Variants in IL1RAPL1 observed in about 807,000 individuals in gnomAD.
The protein encoded by IL1RAPL1 is interleukin-1 receptor accessory protein-like 1.
IL1RAPL1 carries 3 observed loss-of-function variants against 48.4 expected under a neutral mutation model. The observed-to-expected ratio is 0.06, with a 90% CI of 0.03 to 0.16. The LOEUF (loss-of-function observed/expected upper bound fraction) is 0.16. Among genes scored for constraint, IL1RAPL1 ranks in the 10% least tolerant of loss-of-function variants. The probability of loss-of-function intolerance (pLI) is 1.00; values close to 1 mark genes in which losing one functional copy is unlikely to be tolerated. For synonymous variants in IL1RAPL1, 185 were observed against 187.7 expected (o/e 0.99, Z 0.12); for missense variants, 349 against 530.6 (o/e 0.66, Z 3.36).
intron 6 of IL1RAPL1, among the ~76,000 whole-genome samples, chrX:29,830,641 C>T (rs142034733): frequency 0.011 from 1,203 of 110,211 alleles, 17 homozygotes; most frequent in African/African-American, 0.037. Flanking sequence ...TTAGTACAGA[C>T]GGGGTTTCAC....
chrX:29,091,155 A>G (rs764958706), intron 2 of IL1RAPL1, among the ~76,000 whole-genome samples: 1 of 112,379 alleles, frequency 8.9e-6, no homozygotes, highest in Admixed American at 9.4e-5. Context: ...CTGAATGTGG[A>G]ACTATACATG....
intron 6 of IL1RAPL1, among the ~76,000 whole-genome samples, chrX:29,769,426 A>G (rs1242698138): frequency 2.2e-5 from 1 of 46,441 alleles, no homozygotes; most frequent in Non-Finnish European, 3.5e-5. Context: ...ACTGCCAAAC[A>G]GTTTTTTTTT....
At chrX:29,546,893 A>G (rs1471421924) in intron 5 of IL1RAPL1, among the ~76,000 whole-genome samples, 5 of 111,904 alleles carry the variant, frequency 4.5e-5, no homozygotes, top group African/African-American at 6.5e-5. Flanking sequence ...TCATCTAGCT[A>G]TAGGTCTGAC....
intron 2 of IL1RAPL1, among the ~76,000 whole-genome samples, chrX:29,003,563 A>T (rs925862796): frequency 1.8e-5 from 2 of 112,257 alleles, no homozygotes; most frequent in Non-Finnish European, 3.8e-5. Context: ...TAAAGGGGAA[A>T]TGCTTTCAAA....
At chrX:29,508,517 G>T (rs1935360178) in intron 5 of IL1RAPL1, among the ~76,000 whole-genome samples, 1 of 111,381 alleles carries the variant, frequency 9.0e-6, no homozygotes, top group South Asian at 3.7e-4. Context: ...TTGCATATTT[G>T]GTTCCAAGCC....
At chrX:29,449,780 C>CACACACACAGAGAGAGAG (rs557765024) in intron 5 of IL1RAPL1, among the ~76,000 whole-genome samples, 87 of 58,235 alleles carry the variant, frequency 1.5e-3, no homozygotes, top group East Asian at 6.5e-3. Flanking sequence ...CACACACACA[C>CACACACACAGAGAGAGAG]AGAGAGAGAG....
At chrX:29,821,760 GA>G (rs1289098787) in intron 6 of IL1RAPL1, among the ~76,000 whole-genome samples, 1 of 112,386 alleles carries the variant, frequency 8.9e-6, no homozygotes, top group African/African-American at 3.2e-5. Context: ...AAAGCTTTAA[GA>G]TCCAAAGACA....
rs747016663 is a variant in IL1RAPL1 at position 28,861,039 on chromosome X, T to A, written c.82+71614T>A. On this transcript the variant is annotated intron_variant, in intron 2 of 10. Coordinates refer to ENST00000378993, the MANE Select transcript of IL1RAPL1 (RefSeq NM_014271.4). The stretch of plus-strand genomic sequence containing the variant: ...TTTAATAAATCTGTTTATAAGAATT[T>A]TTTTCTCAATAATACTACTGAAAAA... Among the ~76,000 whole-genome samples the A allele has an allele frequency of 1.3e-4, 15 of 111,525 alleles. No homozygotes were observed. In the South Asian group the frequency reaches 5.3e-3, roughly 39 times the overall value.
intron 5 of IL1RAPL1, among the ~76,000 whole-genome samples, chrX:29,585,326 A>G (rs1417338590): frequency 1.8e-5 from 2 of 112,286 alleles, no homozygotes; most frequent in Non-Finnish European, 3.8e-5. Context: ...TTTAATTAGC[A>G]TAATGTCCTC....
intron 2 of IL1RAPL1, among the ~76,000 whole-genome samples, chrX:29,161,548 A>T (rs1248792273): frequency 8.9e-6 from 1 of 112,407 alleles, no homozygotes; most frequent in Non-Finnish European, 1.9e-5. Flanking sequence ...GTAAATAAAA[A>T]TGTTCATGTT....
intron 5 of IL1RAPL1, among the ~76,000 whole-genome samples, chrX:29,538,529 G>C (rs7058295): frequency 0.019 from 1,997 of 107,436 alleles, 62 homozygotes; most frequent in African/African-American, 0.064. Context: ...GTAGAGACAG[G>C]GTTTCACCAT....
At chrX:28,676,945 GGTTA>G (rs1453316417) in intron 1 of IL1RAPL1, among the ~76,000 whole-genome samples, 10 of 111,006 alleles carry the variant, frequency 9.0e-5, no homozygotes, top group Middle Eastern at 4.8e-3. Flanking sequence ...GATGTGCAGA[GGTTA>G]GTTAATTTTT....
At chrX:29,857,638 AG>A (rs1931499616) in intron 6 of IL1RAPL1, among the ~76,000 whole-genome samples, 1 of 111,947 alleles carries the variant, frequency 8.9e-6, no homozygotes, top group African/African-American at 3.2e-5. Context: ...TCACCCTTTT[AG>A]GGTCTTCAGC....
intron 2 of IL1RAPL1, among the ~76,000 whole-genome samples, chrX:28,998,066 A>G (rs1395451646): frequency 8.9e-6 from 1 of 111,993 alleles, no homozygotes; most frequent in Non-Finnish European, 1.9e-5. Context: ...TTCTCTCTCC[A>G]TTGGGTGTTT....
At chrX:29,190,376 G>T (rs1367136199) in intron 2 of IL1RAPL1, among the ~76,000 whole-genome samples, 1 of 111,817 alleles carries the variant, frequency 8.9e-6, no homozygotes, top group Non-Finnish European at 1.9e-5. Context: ...TCTCCAAATC[G>T]ATTTCAGTAG....
intron 2 of IL1RAPL1, among the ~76,000 whole-genome samples, chrX:28,982,538 C>T: frequency 8.9e-6 from 1 of 111,736 alleles, no homozygotes; most frequent in Non-Finnish European, 1.9e-5. Context: ...GCATTTAGTA[C>T]CTTTCTGTTG....
intron 5 of IL1RAPL1, among the ~76,000 whole-genome samples, chrX:29,531,285 G>A (rs897991762): frequency 9.0e-6 from 1 of 111,231 alleles, no homozygotes; most frequent in African/African-American, 3.3e-5. Context: ...ACAAAGGAAA[G>A]TCAGAGAGAT....
intron 6 of IL1RAPL1, among the ~76,000 whole-genome samples, chrX:29,905,239 T>TTTAAG (rs1179563695): frequency 2.7e-5 from 3 of 111,526 alleles, no homozygotes; most frequent in Non-Finnish European, 5.6e-5. Context: ...TGTAAATTTG[T>TTTAAG]TTAAGTTCCT....
chrX:28,888,982 G>T (rs753631924), intron 2 of IL1RAPL1, among the ~76,000 whole-genome samples: 1 of 110,862 alleles, frequency 9.0e-6, no homozygotes, highest in East Asian at 2.8e-4. Context: ...CAAAAACTCT[G>T]CAGGCAGAGT....
Sources: allele counts gnomAD v4.1 joint callset (sites outside exome capture counted in the v4.1 genomes callset), GRCh38; gene constraint gnomAD v4.1.1; transcripts MANE v1.5; gene names NCBI Gene and HGNC (gene_info 2026-07-23, HGNC 2026-07-21).